The following DYRK4 variants were observed in gnomAD, a reference collection of about 807,000 sequenced individuals.
The protein encoded by DYRK4 is dual specificity tyrosine phosphorylation regulated kinase 4.
A neutral mutation model predicts 68.3 loss-of-function variants in DYRK4; 64 were observed. That is an observed-to-expected ratio of 0.94 (90% CI 0.77 to 1.15). The LOEUF (loss-of-function observed/expected upper bound fraction) is 1.15. Ranked by LOEUF, DYRK4 falls within the 50% of genes most tolerant of loss-of-function variation. The pLI, the probability that DYRK4 is intolerant of heterozygous loss-of-function variation, is 0.00. For synonymous variants in DYRK4, 274 were observed against 289.9 expected (o/e 0.95, Z 0.56); for missense variants, 740 against 764.7 (o/e 0.97, Z 0.38).
chr12:4,600,506 C>T (rs1287162160), intron 10 of DYRK4, among the ~76,000 whole-genome samples: 1 of 150,068 alleles, frequency 6.7e-6, no homozygotes, highest in African/African-American at 2.5e-5. Context: ...AACACAGGGA[C>T]TTTGGGACCA....
At chr12:4,599,002 TG>T (rs1945049767) in intron 8 of DYRK4, 25 bp from the exon 9 acceptor site, 6 of 1,613,624 alleles carry the variant, frequency 3.7e-6, no homozygotes, top group African/African-American at 1.3e-5. Flanking sequence ...TACACCCATA[TG>T]CATCACTTTT....
chr12:4,599,270 C>CTTTTTTTTTTTTT (rs71061195), intron 9 of DYRK4, 104 bp downstream of exon 9: 1 of 387,720 alleles, frequency 2.6e-6, no homozygotes. Context: ...TTGCCTTTGA[C>CTTTTTTTTTTTTT]TTTTTTTTTT....
At chr12:4,602,710 C>A (rs1448194424) in intron 10 of DYRK4, 2 of 1,479,518 alleles carry the variant, frequency 1.4e-6, no homozygotes, top group African/African-American at 1.4e-5. Context: ...AGGCAAATAC[C>A]CCTGACTCTT....
At position 4,613,470 on chromosome 12, in the gene DYRK4, C is replaced by T. The variant is rs140648623; in HGVS notation, c.1667-45C>T. ...CCTAAAGGACAATTAACATATAATC[C>T]ACATTTGAATCTTGTTCCCTTCTGT... On this transcript the variant is annotated intron_variant, in intron 14 of 14. Transcript: ENST00000543431. This position sits in a 1 kb window ranked among gnomAD's most constrained non-coding sequence, Gnocchi z 4.0. 1.4e-4 allele frequency: 215 copies of T among 1,571,966 alleles called. 1 individual carries two copies. The East Asian group carries it at 4.6e-3, about 34-fold the overall frequency.
intron 6 of DYRK4, 38 bp from the exon 7 acceptor site, chr12:4,596,111 C>T (rs1486072368): frequency 1.2e-6 from 2 of 1,607,590 alleles, no homozygotes; most frequent in East Asian, 4.5e-5. Flanking sequence ...CCTGGGAGCC[C>T]ATGGCTTTGC....
intron 9 of DYRK4, 104 bp downstream of exon 9, chr12:4,599,270 C>CTTTTGTTTTTTTTTTT (rs375183364): frequency 2.6e-6 from 1 of 387,720 alleles, no homozygotes; most frequent in Non-Finnish European, 4.1e-6. Flanking sequence ...TTGCCTTTGA[C>CTTTTGTTTTTTTTTTT]TTTTTTTTTT....
At chr12:4,565,803 A>G (rs1402765231) in intron 1 of DYRK4, among the ~76,000 whole-genome samples, 1 of 151,240 alleles carries the variant, frequency 6.6e-6, no homozygotes, top group African/African-American at 2.4e-5. Flanking sequence ...CTTCTTTTGT[A>G]TTTTTAGTAG....
chr12:4,563,246 A>C, intron 1 of DYRK4: 1 of 419,794 alleles, frequency 2.4e-6, no homozygotes, highest in Non-Finnish European at 4.8e-6. Flanking sequence ...CTGTTACTTA[A>C]ATCTGTTGTT....
At chr12:4,598,759 C>T (rs1463029320) in intron 8 of DYRK4, among the ~76,000 whole-genome samples, 1 of 152,162 alleles carries the variant, frequency 6.6e-6, no homozygotes, top group African/African-American at 2.4e-5. Context: ...TTGGGCCAAC[C>T]TCTTAACCCG....
intron 6 of DYRK4, 83 bp downstream of exon 6, chr12:4,593,248 G>A (rs1432661168): frequency 2.7e-6 from 4 of 1,497,164 alleles, no homozygotes; most frequent in South Asian, 1.3e-5. Flanking sequence ...ACGGTATTTT[G>A]TAGTATTTGG....
chr12:4,582,219 G>A (rs1944849633), intron 2 of DYRK4, among the ~76,000 whole-genome samples: 1 of 152,154 alleles, frequency 6.6e-6, no homozygotes, highest in Admixed American at 6.5e-5. Flanking sequence ...TGAGGTGGGA[G>A]GTTTCACCTG....
chr12:4,589,918 G>C (rs1365666807), intron 3 of DYRK4, among the ~76,000 whole-genome samples: 1 of 152,178 alleles, frequency 6.6e-6, no homozygotes, highest in African/African-American at 2.4e-5. Context: ...GAACTTCCCT[G>C]CGTTAGGGTG....
intron 2 of DYRK4, among the ~76,000 whole-genome samples, chr12:4,570,432 AT>A (rs922273937): frequency 6.6e-6 from 1 of 152,164 alleles, no homozygotes; most frequent in African/African-American, 2.4e-5. Flanking sequence ...GCTTTCCTCA[AT>A]GGACTTCTCA....
chr12:4,593,204 A>AG, intron 6 of DYRK4, 39 bp downstream of exon 6: 1 of 1,602,444 alleles, frequency 6.2e-7, no homozygotes, highest in Non-Finnish European at 8.5e-7. Flanking sequence ...GCAGGGGCCC[A>AG]GGGACAAGAG....
intron 12 of DYRK4, among the ~76,000 whole-genome samples, chr12:4,608,034 A>AGT (rs1945174143): frequency 1.3e-5 from 2 of 152,276 alleles, no homozygotes; most frequent in Non-Finnish European, 2.9e-5. Flanking sequence ...TTTCTATTTA[A>AGT]GTGGTCCTAT....
In DYRK4 at chr12:4,611,177, C is replaced by T. The variant is rs944870283; in HGVS notation, c.1490+893C>T. Among the ~76,000 whole-genome samples the T allele has an allele frequency of 3.3e-5, 5 of 152,318 alleles. No individual in the cohort carries two copies. The East Asian group carries it at 9.6e-4, about 29-fold the overall frequency. ...AAAATACTCTTCTGGCATCTGTGCTCTCTGGAATTTCAGTACTAGCTCAGA... is the reference window on the plus strand; with the variant it reads ...AAAATACTCTTCTGGCATCTGTGCTTTCTGGAATTTCAGTACTAGCTCAGA... On this transcript the variant is annotated intron_variant, in intron 13 of 14. Transcript: ENST00000543431.
chr12:4,581,965 T>A (rs970505231), intron 2 of DYRK4, among the ~76,000 whole-genome samples: 1 of 152,246 alleles, frequency 6.6e-6, no homozygotes, highest in African/African-American at 2.4e-5. Context: ...ATGTTGCATA[T>A]ACACTTTATG....
intron 2 of DYRK4, among the ~76,000 whole-genome samples, chr12:4,575,401 C>T (rs1196527826): frequency 2.0e-5 from 3 of 151,868 alleles, no homozygotes; most frequent in Non-Finnish European, 2.9e-5. Flanking sequence ...CTCTGCCTCT[C>T]GGGATCAAGC....
chr12:4,573,267 C>T, intron 2 of DYRK4: 1 of 1,261,812 alleles, frequency 7.9e-7, no homozygotes, highest in Non-Finnish European at 1.0e-6. Context: ...ATAATGTCTA[C>T]ATTTGGAATG....
Sources: gnomAD v4.1 joint callset for allele counts (sites outside exome capture counted in the v4.1 genomes callset) on GRCh38, gnomAD v4.1.1 for gene constraint, Gnocchi (gnomAD v3.1) non-coding constraint, MANE v1.5 for transcripts, NCBI Gene and HGNC (gene_info 2026-07-23, HGNC 2026-07-21) for gene names.